ITGB8: variants seen among roughly 807,000 people sequenced by gnomAD.
ITGB8 encodes the protein integrin beta-8.
A neutral mutation model predicts 89.5 loss-of-function variants in ITGB8; 30 were observed. The ratio of observed to expected loss-of-function variants is 0.34; its 90% CI spans 0.25 to 0.45. The LOEUF is 0.45. Ranked by LOEUF, ITGB8 falls within the 20% of genes least tolerant of loss-of-function variation. ITGB8 has a pLI of 1.00. For missense variants in ITGB8, 836 were observed against 933.3 expected, an observed-to-expected ratio of 0.90 and a Z score of 1.36; for synonymous variants, 335 against 320.4, an observed-to-expected ratio of 1.05 and a Z score of -0.49.
intron 7 of ITGB8, among the ~76,000 whole-genome samples, chr7:20,394,597 T>A (rs777377144): frequency 6.6e-6 from 1 of 152,184 alleles, no homozygotes; most frequent in South Asian, 2.1e-4. Context: ...GGGCTTTACA[T>A]TCCATGGAAG....
At chr7:20,341,955 A>T (rs1784772254) in intron 1 of ITGB8, among the ~76,000 whole-genome samples, 1 of 152,016 alleles carries the variant, frequency 6.6e-6, no homozygotes, top group Admixed American at 6.5e-5. Flanking sequence ...AAGTTGGGTC[A>T]GCCAGAACGA....
intron 1 of ITGB8, among the ~76,000 whole-genome samples, chr7:20,332,925 CTTTTT>C (rs34506325): frequency 7.0e-6 from 1 of 142,988 alleles, no homozygotes; most frequent in East Asian, 2.0e-4. Flanking sequence ...GTCATACTTT[CTTTTT>C]TTTTTTTTTT....
chr7:20,356,272 G>A (rs571677699), intron 1 of ITGB8, among the ~76,000 whole-genome samples: 1 of 152,288 alleles, frequency 6.6e-6, no homozygotes, highest in Non-Finnish European at 1.5e-5. Context: ...GTCATGGCAA[G>A]TGATTAGAAT....
intron 2 of ITGB8, chr7:20,365,371 T>C (rs1158432652): frequency 2.6e-5 from 4 of 152,212 alleles, no homozygotes; most frequent in African/African-American, 7.2e-5. Flanking sequence ...AGTTTATGTA[T>C]TGAAAGAGCA....
chr7:20,353,931 CAAAAA>C (rs1158594685), intron 1 of ITGB8, among the ~76,000 whole-genome samples: 13 of 55,718 alleles, frequency 2.3e-4, no homozygotes, highest in East Asian at 1.3e-3. Context: ...GACTCCGTCT[CAAAAA>C]AAAAAAAAAA....
rs370342604 is a variant in ITGB8 at position 20,369,324 on chromosome 7, C to T, written c.388+2138C>T. ...CATACACAACAGAAATTTATTTTCT[C>T]ATGGTTCTAGGGGATGGAAAGTCCA... On this transcript the variant is annotated intron_variant, in intron 3 of 13. Coordinates refer to ENST00000222573, the MANE Select transcript of ITGB8 (RefSeq NM_002214.3). Among the ~76,000 whole-genome samples, 27 of 152,232 alleles carry T rather than the reference C, an allele frequency of 1.8e-4. No individual in the cohort carries two copies. The East Asian group carries it at 4.4e-3, about 25-fold the overall frequency.
At chr7:20,373,505 G>T (rs545923874) in intron 3 of ITGB8, among the ~76,000 whole-genome samples, 1 of 152,244 alleles carries the variant, frequency 6.6e-6, no homozygotes, top group Non-Finnish European at 1.5e-5. Flanking sequence ...TTTTAATAAT[G>T]TGCAAAAAGA....
At chr7:20,372,036 T>G (rs1396197385) in intron 3 of ITGB8, among the ~76,000 whole-genome samples, 1 of 152,216 alleles carries the variant, frequency 6.6e-6, no homozygotes, top group Non-Finnish European at 1.5e-5. Context: ...CTCTCTTTTT[T>G]TGTGTGTGAT....
At chr7:20,366,256 T>A (rs1294971770) in intron 2 of ITGB8, 2 of 152,130 alleles carry the variant, frequency 1.3e-5, no homozygotes, top group African/African-American at 4.8e-5. Context: ...GTAGTGAGAG[T>A]TCAGAGCGTA....
chr7:20,331,429 T>C lies in ITGB8; in HGVS notation c.-378T>C. 2.5e-6 allele frequency: 1 copy of C among 404,534 alleles called. No individual in the cohort carries two copies. The allele number at this position is 404,534 out of a possible 1,614,324, so 25.1% of individuals were successfully genotyped here. On this transcript the variant is annotated 5_prime_UTR_variant, in exon 1 of 14. Coordinates refer to ENST00000222573, the MANE Select transcript of ITGB8 (RefSeq NM_002214.3). ...GATTGTGTTTGGCTCTTCGCTAAGC[T>C]GATTTATGCAGCAGAAGCCCCACCG...
chr7:20,409,039 A>G (rs1787662043), intron 12 of ITGB8, among the ~76,000 whole-genome samples: 1 of 152,222 alleles, frequency 6.6e-6, no homozygotes. Context: ...GCCGTGTATA[A>G]TAAGAATGAA....
intron 3 of ITGB8, among the ~76,000 whole-genome samples, chr7:20,370,600 T>TTTATTG (rs1554305569): frequency 3.5e-5 from 5 of 144,406 alleles, no homozygotes; most frequent in African/African-American, 1.3e-4. Flanking sequence ...TATTTACTTA[T>TTTATTG]TTATTATTAT....
chr7:20,339,548 A>G lies in ITGB8; in HGVS notation c.127+7615A>G, dbSNP rs143708078. Among the ~76,000 whole-genome samples the G allele has an allele frequency of 1.6e-3, 241 of 152,324 alleles. 3 individuals are homozygous for G. The highest frequency in any genetic ancestry group is 5.2e-3 in the African/African-American group (216 of 41,570). ...TTCTTGCTAGGAAACTACTAATATT[A>G]AACAGATATATTTAAATTATCTTCC... On this transcript the variant is annotated intron_variant, in intron 1 of 13. Coordinates refer to ENST00000222573, the MANE Select transcript of ITGB8 (RefSeq NM_002214.3).
chr7:20,380,561 A>G, intron 4 of ITGB8, 105 bp from the exon 5 acceptor site: 9 of 907,500 alleles, frequency 9.9e-6, no homozygotes, highest in Non-Finnish European at 1.4e-5. Context: ...CCCTGGCACA[A>G]AAGAAGTACT....
At chr7:20,363,809 G>A in intron 2 of ITGB8, 87 bp downstream of exon 2, 2 of 672,334 alleles carry the variant, frequency 3.0e-6, no homozygotes, top group South Asian at 8.0e-5. Context: ...CCTTGAAGGT[G>A]CATCAGGAAA....
intron 8 of ITGB8, among the ~76,000 whole-genome samples, chr7:20,397,151 C>T (rs181948380): frequency 6.6e-6 from 1 of 151,628 alleles, no homozygotes; most frequent in Admixed American, 6.6e-5. Flanking sequence ...CCAAACTGGG[C>T]AAAATTTTAA....
rs147445812 is a variant in ITGB8, at chr7:20,401,922, G to A, written c.1483G>A (p.Asp495Asn). 8.0e-5 allele frequency: 129 copies of A among 1,614,014 alleles called. No individual in the cohort carries two copies. The highest frequency in any genetic ancestry group is 4.9e-4 in the Middle Eastern group (3 of 6,082). The change falls in exon 10 of 14, where the codon GAT becomes AAT. Residue 495 changes from aspartate to asparagine, a missense_variant. Asp to Asn is a conservative substitution (Grantham distance 23). Coordinates refer to ENST00000222573, the MANE Select transcript of ITGB8 (RefSeq NM_002214.3). ...TCTAGATTCCAAGTGTTTCCAGTGT[G>A]ATGAGAATAAATGTCATTTTGATGA... ...TFLDSKCFQCDENKCHFDEDQ... is the reference protein window; with the variant it reads ...TFLDSKCFQCNENKCHFDEDQ...
At chr7:20,374,852 C>A (rs1786072447) in intron 3 of ITGB8, among the ~76,000 whole-genome samples, 1 of 151,910 alleles carries the variant, frequency 6.6e-6, no homozygotes. Context: ...TGGTGGAGAG[C>A]TGTTGACAAA....
chr7:20,386,640 T>C (rs4473914), intron 6 of ITGB8, among the ~76,000 whole-genome samples: 55,830 of 151,674 alleles, frequency 0.37, 10,612 homozygotes, highest in Non-Finnish European at 0.41. Context: ...TGGAAAGGAT[T>C]TCTGCAAACA....
Sources: gnomAD v4.1 joint callset for allele counts (sites outside exome capture counted in the v4.1 genomes callset) on GRCh38, gnomAD v4.1.1 for gene constraint, MANE v1.5 for transcripts, NCBI Gene and HGNC (gene_info 2026-07-23, HGNC 2026-07-21) for gene names.